NRIP1: variants seen among roughly 807,000 people sequenced by gnomAD.
NRIP1 encodes nuclear receptor-interacting protein 1.
In NRIP1, 28 loss-of-function variants were observed where a neutral mutation model predicts 75.0. The ratio of observed to expected loss-of-function variants is 0.37; its 90% CI spans 0.28 to 0.51. The LOEUF (loss-of-function observed/expected upper bound fraction) is 0.51. Ranked by LOEUF, NRIP1 falls within the 20% of genes least tolerant of loss-of-function variation. The pLI, the probability that NRIP1 is intolerant of heterozygous loss-of-function variation, is 0.92. For synonymous variants in NRIP1, 526 were observed against 487.6 expected (o/e 1.08, Z -1.04); for missense variants, 1,435 against 1,343.7 (o/e 1.07, Z -1.06).
At chr21:15,044,032 C>T (rs896275979) in intron 1 of NRIP1, among the ~76,000 whole-genome samples, 5 of 151,926 alleles carry the variant, frequency 3.3e-5, no homozygotes, top group East Asian at 1.9e-4. Flanking sequence ...TTGGCCAGGC[C>T]GATCTCAAAC....
chr21:14,966,313 G>T lies in NRIP1; in HGVS notation c.1880C>A (p.Ala627Asp). ...EGAQNSATFS[A>D]SKLLQNLAQC... ...TGCTAAATTTTGTAACAGCTTACTG[G>T]CACTAAACGTTGCAGAGTTCTGTGC... is the stretch of plus-strand genomic sequence containing the variant. Residue 627 changes from alanine (A) to aspartate (D), a missense_variant, in exon 4 of 4, where the codon GCC becomes GAC. Coordinates refer to ENST00000318948, the MANE Select transcript of NRIP1 (RefSeq NM_003489.4). 1 of 1,614,078 alleles carries T rather than the reference G, an allele frequency of 6.2e-7. No homozygotes were observed. Among genetic ancestry groups the T allele is most frequent in the Non-Finnish European group, 8.5e-7 (1 of 1,179,974 alleles).
At chr21:15,027,553 A>G (rs2088550160) in intron 2 of NRIP1, among the ~76,000 whole-genome samples, 1 of 152,226 alleles carries the variant, frequency 6.6e-6, no homozygotes, top group South Asian at 2.1e-4. Context: ...TGACTGGCAG[A>G]TAAAAACTTA....
chr21:15,004,601 G>A (rs1246031422), intron 3 of NRIP1, among the ~76,000 whole-genome samples: 1 of 152,264 alleles, frequency 6.6e-6, no homozygotes, highest in Non-Finnish European at 1.5e-5. Context: ...AAGGGGAGCA[G>A]ATCCAATATG....
chr21:15,000,962 GC>G (rs1242699298), intron 3 of NRIP1, among the ~76,000 whole-genome samples: 1 of 152,012 alleles, frequency 6.6e-6, no homozygotes, highest in African/African-American at 2.4e-5. Flanking sequence ...ATTAACAGGT[GC>G]TTAAAAATGC....
chr21:15,061,696 T>G (rs896189191), intron 1 of NRIP1, among the ~76,000 whole-genome samples: 6 of 152,354 alleles, frequency 3.9e-5, no homozygotes, highest in Admixed American at 3.9e-4. Context: ...ATTACTGCTT[T>G]TCCCAAACAA....
intron 3 of NRIP1, among the ~76,000 whole-genome samples, chr21:14,993,212 C>T (rs1174759966): frequency 6.7e-6 from 1 of 150,106 alleles, no homozygotes; most frequent in Admixed American, 6.6e-5. Context: ...ACATAACCAA[C>T]TAAAATCGAG....
chr21:14,970,714 C>T (rs562786714), intron 3 of NRIP1, among the ~76,000 whole-genome samples: 2 of 152,220 alleles, frequency 1.3e-5, no homozygotes, highest in Middle Eastern at 3.4e-3. Flanking sequence ...TCATACCAGT[C>T]ATTTGAAAAC....
At chr21:15,026,534 G>A (rs1417676544) in intron 2 of NRIP1, among the ~76,000 whole-genome samples, 1 of 152,054 alleles carries the variant, frequency 6.6e-6, no homozygotes, top group Non-Finnish European at 1.5e-5. Context: ...ATATACCCTA[G>A]AGTCTTGCAC....
At chr21:15,004,995 T>C (rs1013916505) in intron 3 of NRIP1, among the ~76,000 whole-genome samples, 7 of 152,338 alleles carry the variant, frequency 4.6e-5, no homozygotes, top group African/African-American at 1.7e-4. Flanking sequence ...GAGATAGATG[T>C]CATGGGGAGA....
intron 3 of NRIP1, chr21:14,971,490 C>T (rs1568945776): frequency 6.6e-6 from 1 of 152,148 alleles, no homozygotes; most frequent in Non-Finnish European, 1.5e-5. Context: ...CAATCTGCTT[C>T]AAGATCTGTC....
At chr21:15,032,839 T>A (rs1173383567) in intron 2 of NRIP1, among the ~76,000 whole-genome samples, 2 of 152,184 alleles carry the variant, frequency 1.3e-5, no homozygotes, top group East Asian at 1.9e-4. Context: ...AAAAGATGTG[T>A]GTGATGTAAA....
In NRIP1 at chr21:15,001,803, T is replaced by TTA. The variant is rs571082904; in HGVS notation, c.-335+12540_-335+12541insTA. Among the ~76,000 whole-genome samples the TTA allele has an allele frequency of 1.2e-4, 19 of 152,274 alleles. No individual in the cohort carries two copies. The East Asian group carries it at 3.3e-3, about 26-fold the overall frequency. ...TGTACTGAAGATAATTTAAAATAAT[T>TTA]TTCTAAACTATGTCCATAACCACCT... On this transcript the variant is annotated intron_variant, in intron 3 of 3. Coordinates refer to ENST00000318948, the MANE Select transcript of NRIP1 (RefSeq NM_003489.4).
chr21:15,018,637 A>C (rs2088293414), intron 2 of NRIP1, among the ~76,000 whole-genome samples: 1 of 152,202 alleles, frequency 6.6e-6, no homozygotes, highest in African/African-American at 2.4e-5. Context: ...ATTAGGTCAG[A>C]GATGTGAGCA....
At chr21:14,986,787 A>G (rs948109325) in intron 3 of NRIP1, among the ~76,000 whole-genome samples, 5 of 152,202 alleles carry the variant, frequency 3.3e-5, no homozygotes, top group African/African-American at 4.8e-5. Flanking sequence ...ACTTACAAAC[A>G]TCTTATCCTT....
In NRIP1 at chr21:14,965,914, C is replaced by A. The variant is rs567962598; in HGVS notation, c.2279G>T (p.Cys760Phe). ...TGTGTTAGGAATTTGTAAGTCATCA[C>A]AAGGCTCAGATTTTATTTTCACCAT... is the stretch of plus-strand genomic sequence containing the variant. ...ILMVKIKSEPCDDLQIPNTNV... is the reference protein window; with the variant it reads ...ILMVKIKSEPFDDLQIPNTNV... Residue 760 changes from cysteine (C) to phenylalanine (F), a missense_variant, in exon 4 of 4, where the codon TGT (cysteine) becomes TTT (phenylalanine). Cys to Phe is a radical substitution (Grantham distance 205, BLOSUM62 -2). Transcript: ENST00000318948. 2 of 1,614,112 alleles carry A rather than the reference C, an allele frequency of 1.2e-6. No homozygotes were observed. The highest frequency in any genetic ancestry group is 4.5e-5 in the East Asian group (2 of 44,880).
chr21:14,981,085 A>C (rs1178539332), intron 3 of NRIP1, among the ~76,000 whole-genome samples: 1 of 152,186 alleles, frequency 6.6e-6, no homozygotes, highest in African/African-American at 2.4e-5. Context: ...GAGTCAATAA[A>C]TCTGACTAGG....
chr21:15,048,967 TAC>T (rs929726029), intron 1 of NRIP1, among the ~76,000 whole-genome samples: 6 of 150,258 alleles, frequency 4.0e-5, no homozygotes, highest in South Asian at 4.2e-4. Context: ...TACAAATACA[TAC>T]ACACACACAC....
At chr21:15,038,046 T>C (rs960981835) in intron 2 of NRIP1, among the ~76,000 whole-genome samples, 3 of 152,138 alleles carry the variant, frequency 2.0e-5, no homozygotes, top group Admixed American at 1.3e-4. Context: ...AAAATGATTA[T>C]TGACATAGTC....
intron 2 of NRIP1, among the ~76,000 whole-genome samples, chr21:15,027,891 T>G (rs1036726279): frequency 1.3e-5 from 2 of 152,108 alleles, no homozygotes; most frequent in Non-Finnish European, 2.9e-5. Flanking sequence ...AAGAGCAAAG[T>G]TTACTTGCAC....
Sources: gnomAD v4.1 joint callset for allele counts (sites outside exome capture counted in the v4.1 genomes callset) on GRCh38, gnomAD v4.1.1 for gene constraint, MANE v1.5 for transcripts, NCBI Gene and HGNC (gene_info 2026-07-23, HGNC 2026-07-21) for gene names.